The following DGKB variants were observed in gnomAD, a reference collection of about 807,000 sequenced individuals.
The protein encoded by DGKB is 90 kDa diacylglycerol kinase.
A neutral mutation model predicts 114.3 loss-of-function variants in DGKB; 67 were observed. That is an observed-to-expected ratio of 0.59 (90% confidence interval 0.48 to 0.72). The LOEUF (loss-of-function observed/expected upper bound fraction) is 0.72. DGKB is among the 30% of genes least tolerant of loss of function. The pLI is 0.00. For missense variants in DGKB, 907 were observed against 975.2 expected, an observed-to-expected ratio of 0.93 and a Z score of 0.93; for synonymous variants, 398 against 323.1, an observed-to-expected ratio of 1.23 and a Z score of -2.49.
At position 14,549,025 on chromosome 7, in the gene DGKB, G is replaced by C. The variant is rs141650729; in HGVS notation, c.1770+25187C>G. Among the ~76,000 whole-genome samples, 482 of 151,352 alleles carry C rather than the reference G, an allele frequency of 3.2e-3. 3 individuals are homozygous for C. The highest frequency in any genetic ancestry group is 0.011 in the African/African-American group (457 of 41,254). ...CCCAGGGCAATGCAGAGAGGAAAGA[G>C]TAGAACAGAAAAACAATCCTGGTGA... is the stretch of plus-strand genomic sequence containing the variant. On this transcript the variant is annotated intron_variant, in intron 20 of 25. Coordinates refer to ENST00000402815, the MANE Select transcript of DGKB (RefSeq NM_001350709.2).
intron 25 of DGKB, among the ~76,000 whole-genome samples, chr7:14,163,761 G>A (rs577686227): frequency 4.6e-4 from 70 of 152,230 alleles, no homozygotes; most frequent in Admixed American, 1.5e-3. Context: ...GTGGGAGGCC[G>A]AGGCAGGCAG....
rs17168272 is a variant in DGKB, at chr7:14,565,574, C to T, written c.1770+8638G>A. Reference sequence around the variant, plus strand: ...CTCAAACTGAGCATGTCTTTATATCCTCCACTAAACCTGAATCATAAATAA... The same window carrying T: ...CTCAAACTGAGCATGTCTTTATATCTTCCACTAAACCTGAATCATAAATAA... On this transcript the variant is annotated intron_variant, in intron 20 of 25. Transcript: ENST00000402815. Among the ~76,000 whole-genome samples the T allele has an allele frequency of 3.9e-3, 593 of 152,208 alleles. 32 individuals are homozygous for T. The East Asian group carries it at 0.096, about 25-fold the overall frequency.
intron 23 of DGKB, among the ~76,000 whole-genome samples, chr7:14,202,309 T>G (rs938567431): frequency 2.0e-5 from 3 of 151,982 alleles, no homozygotes; most frequent in Non-Finnish European, 2.9e-5. Flanking sequence ...CTCACAGTAA[T>G]TCAGCAGTGT....
intron 21 of DGKB, among the ~76,000 whole-genome samples, chr7:14,393,143 C>T (rs907554339): frequency 6.6e-5 from 10 of 151,698 alleles, no homozygotes; most frequent in Non-Finnish European, 1.3e-4. Context: ...GCGCCCGCCA[C>T]CTTGCCAGGC....
intron 23 of DGKB, among the ~76,000 whole-genome samples, chr7:14,214,663 C>G (rs1167079001): frequency 6.6e-6 from 1 of 152,026 alleles, no homozygotes; most frequent in Non-Finnish European, 1.5e-5. Flanking sequence ...CCTGCTCTCT[C>G]CTATTACATA....
At position 14,894,794 on chromosome 7, in the gene DGKB, G is replaced by C. The variant is rs759276682; in HGVS notation, c.-188+7798C>G. Among the ~76,000 whole-genome samples, 142 of 151,638 alleles carry C rather than the reference G, an allele frequency of 9.4e-4. No individual in the cohort carries two copies. In the Middle Eastern group the frequency reaches 0.01, roughly 11 times the overall value. The stretch of plus-strand genomic sequence containing the variant: ...TATCACTTCACTTTCAGAATATGTG[G>C]TCTAGTAGTTTGGATAGAGTACATT... On this transcript the variant is annotated intron_variant, in intron 1 of 25. Transcript: ENST00000402815.
At chr7:14,919,062 G>GCGCGCACACA (rs1213217913) in intron 1 of DGKB, among the ~76,000 whole-genome samples, 17 of 118,150 alleles carry the variant, frequency 1.4e-4, no homozygotes, top group African/African-American at 4.1e-4. Context: ...TCCACCACAC[G>GCGCGCACACA]CACACACACA....
chr7:14,843,367 G>T (rs1428505724), intron 1 of DGKB, among the ~76,000 whole-genome samples: 91 of 105,830 alleles, frequency 8.6e-4, no homozygotes, highest in Non-Finnish European at 3.0e-4. Context: ...TCGCTCTGTC[G>T]CCCAGGCCGG....
intron 13 of DGKB, among the ~76,000 whole-genome samples, chr7:14,638,596 T>A (rs1451573575): frequency 3.9e-5 from 6 of 152,158 alleles, no homozygotes; most frequent in Non-Finnish European, 8.8e-5. Flanking sequence ...GCACTAGACA[T>A]AAAGAGATAC....
intron 20 of DGKB, among the ~76,000 whole-genome samples, chr7:14,563,113 C>G (rs942941871): frequency 6.6e-6 from 1 of 152,154 alleles, no homozygotes; most frequent in Non-Finnish European, 1.5e-5. Flanking sequence ...CTGCTGTACA[C>G]GCTCTCTTGC....
chr7:14,550,552 A>G (rs1001970931), intron 20 of DGKB, among the ~76,000 whole-genome samples: 2 of 152,228 alleles, frequency 1.3e-5, no homozygotes, highest in African/African-American at 2.4e-5. Context: ...ACAGCAGTAT[A>G]GCATTAACAT....
intron 20 of DGKB, among the ~76,000 whole-genome samples, chr7:14,534,480 T>C (rs1421202627): frequency 2.0e-5 from 3 of 151,948 alleles, no homozygotes; most frequent in Admixed American, 6.6e-5. Context: ...TGTAAATGAA[T>C]TAAACGGTTT....
intron 25 of DGKB, among the ~76,000 whole-genome samples, chr7:14,163,145 C>T (rs1405789900): frequency 6.6e-6 from 1 of 152,070 alleles, no homozygotes. Flanking sequence ...CTAAAGATGA[C>T]ACCTTGGAAT....
At chr7:14,604,159 T>G (rs1486107839) in intron 17 of DGKB, among the ~76,000 whole-genome samples, 1 of 152,136 alleles carries the variant, frequency 6.6e-6, no homozygotes, top group Non-Finnish European at 1.5e-5. Context: ...TGAAAGAGAC[T>G]ATTGTTTCAG....
intron 25 of DGKB, among the ~76,000 whole-genome samples, chr7:14,153,464 C>T (rs536982379): frequency 1.6e-4 from 24 of 152,094 alleles, no homozygotes; most frequent in Non-Finnish European, 3.4e-4. Flanking sequence ...GCTGTCAACA[C>T]CCTTATTTTA....
At chr7:14,760,568 C>A (rs1835537279) in intron 2 of DGKB, among the ~76,000 whole-genome samples, 1 of 152,132 alleles carries the variant, frequency 6.6e-6, no homozygotes, top group East Asian at 1.9e-4. Flanking sequence ...TTCTTTTTAT[C>A]CATAATCGTA....
intron 4 of DGKB, among the ~76,000 whole-genome samples, chr7:14,745,280 A>G (rs1833110228): frequency 6.6e-6 from 1 of 152,180 alleles, no homozygotes; most frequent in Non-Finnish European, 1.5e-5. Context: ...GCCCCTTTTA[A>G]CAGAGACCCT....
intron 1 of DGKB, among the ~76,000 whole-genome samples, chr7:14,964,910 A>G (rs1787064650): frequency 6.6e-6 from 1 of 152,200 alleles, no homozygotes; most frequent in Non-Finnish European, 1.5e-5. Context: ...ATAGTACTGG[A>G]TCATAACCCA....
At chr7:14,374,846 C>A (rs1164926909) in intron 21 of DGKB, among the ~76,000 whole-genome samples, 1 of 152,152 alleles carries the variant, frequency 6.6e-6, no homozygotes, top group Non-Finnish European at 1.5e-5. Context: ...CTACCCCCAA[C>A]CTTGTCGTGA....
Sources: gnomAD v4.1 joint callset for allele counts (sites outside exome capture counted in the v4.1 genomes callset) on GRCh38, gnomAD v4.1.1 for gene constraint, MANE v1.5 for transcripts, NCBI Gene and HGNC (gene_info 2026-07-23, HGNC 2026-07-21) for gene names.